USF2: variants seen among roughly 807,000 people sequenced by gnomAD.
The protein encoded by USF2 is upstream stimulatory factor 2.
USF2 carries 16 observed loss-of-function variants against 46.9 expected under a neutral mutation model. That is an observed-to-expected ratio of 0.34 (90% CI 0.23 to 0.52). USF2 has a LOEUF of 0.52. Ranked by LOEUF, USF2 falls within the 20% of genes least tolerant of loss-of-function variation. The pLI, the probability that USF2 is intolerant of heterozygous loss-of-function variation, is 0.96. For missense variants in USF2, 411 were observed against 474.0 expected, an observed-to-expected ratio of 0.87 and a Z score of 1.23; for synonymous variants, 239 against 194.1, an observed-to-expected ratio of 1.23 and a Z score of -1.92.
In USF2 at chr19:35,276,069, CTTTTTTT is replaced by C. The variant is rs752967792; in HGVS notation, c.728-2615_728-2609del. Among the ~76,000 whole-genome samples the C allele has an allele frequency of 5.4e-5, 6 of 112,028 alleles. No homozygotes were observed. The South Asian group carries it at 1.5e-3, about 27-fold the overall frequency. 73.5% of individuals were successfully genotyped at this position (112,028 alleles called of 152,430 possible). ...GGCAGGTTTCGCTTCTGAATTTTCT[CTTTTTTT>C]TTTTTTTTTTTTTGAGACAGAGTCT... On this transcript the variant is annotated intron_variant, in intron 7 of 9. Transcript: ENST00000222305.
At position 35,269,853 on chromosome 19, in the gene USF2, C is replaced by T. The variant is rs368165249; in HGVS notation, c.279C>T (p.Gly93=). 2 of 1,433,896 alleles carry T rather than the reference C, an allele frequency of 1.4e-6. No individual in the cohort carries two copies. Among genetic ancestry groups the T allele is most frequent in the Non-Finnish European group, 1.8e-6 (2 of 1,102,868 alleles). 88.8% of individuals were successfully genotyped at this position (1,433,896 alleles called of 1,614,324 possible). A position where few individuals can be genotyped will look rare whatever the true frequency, so the allele number is the denominator to read the frequency against. The change falls in exon 4 of 10, where the codon GGC becomes GGT. Residue 93 remains glycine (G), a synonymous_variant. Coordinates refer to ENST00000222305, the MANE Select transcript of USF2 (RefSeq NM_003367.4). The stretch of plus-strand genomic sequence containing the variant: ...CTGATGGTCAGCTGGACGGCCAGGG[C>T]GACACAGCTGGCGCCGTCAGCGTCG... ...QVTDGQLDGQ[G]DTAGAVSVVS...
At position 35,278,771 on chromosome 19, in the gene USF2, A is replaced by G; in HGVS notation, c.801A>G (p.Ala267=). 1 of 1,614,074 alleles carries G rather than the reference A, an allele frequency of 6.2e-7. No homozygotes were observed. Among genetic ancestry groups the G allele is most frequent in the Non-Finnish European group, 8.5e-7 (1 of 1,180,004 alleles). Reference sequence around the variant, plus strand: ...CGAAAATCATTCCAGACTGTAACGCAGACAACAGCAAGACGGGAGCGGTGA... The same window carrying G: ...CGAAAATCATTCCAGACTGTAACGCGGACAACAGCAAGACGGGAGCGGTGA... ...QLSKIIPDCN[A]DNSKTGASKG... Residue 267 remains alanine, a synonymous_variant, in exon 8 of 10, where the codon GCA becomes GCG. Coordinates refer to ENST00000222305, the MANE Select transcript of USF2 (RefSeq NM_003367.4).
chr19:35,270,212 A>T (rs929097665), intron 4 of USF2: 2 of 853,052 alleles, frequency 2.3e-6, no homozygotes, highest in African/African-American at 1.7e-5. Context: ...AATGGGAATG[A>T]TGTGTCTTAA....
intron 7 of USF2, among the ~76,000 whole-genome samples, chr19:35,273,727 T>G (rs546851267): frequency 5.9e-5 from 9 of 152,152 alleles, no homozygotes; most frequent in Admixed American, 1.3e-4. Context: ...GGGGTAATTT[T>G]TTTTTATCTG....
In USF2 at chr19:35,269,705, C is replaced by A. The variant is rs1568455629; in HGVS notation, c.228+6C>A. On this transcript the variant is annotated splice_donor_region_variant and intron_variant, in intron 3 of 9. Coordinates refer to ENST00000222305, the MANE Select transcript of USF2 (RefSeq NM_003367.4). ...CAGAGACAAATGGAGGACAGGTGAGCGGCGGGCCGCGAGGGCGAACGGGCG... is the reference window on the plus strand; with the variant it reads ...CAGAGACAAATGGAGGACAGGTGAGAGGCGGGCCGCGAGGGCGAACGGGCG... 2 of 537,012 alleles carry A rather than the reference C, an allele frequency of 3.7e-6. No individual in the cohort carries two copies. The highest frequency in any genetic ancestry group is 1.5e-4 in the East Asian group (1 of 6,854). 33.3% of individuals were successfully genotyped at this position (537,012 alleles called of 1,614,324 possible). A position where few individuals can be genotyped will look rare whatever the true frequency, so the allele number is the denominator to read the frequency against.
At chr19:35,269,369 G>A (rs2066105657) in intron 1 of USF2, 77 bp from the exon 2 acceptor site, 1 of 1,241,632 alleles carries the variant, frequency 8.1e-7, no homozygotes, top group Non-Finnish European at 1.0e-6. Flanking sequence ...GTGGGACTGG[G>A]GCCCTGCAGC....
chr19:35,274,822 G>T (rs2066209494), intron 7 of USF2, among the ~76,000 whole-genome samples: 1 of 152,176 alleles, frequency 6.6e-6, no homozygotes, highest in African/African-American at 2.4e-5. Flanking sequence ...AAGGTTGTGG[G>T]GGGCCCCCAG....
chr19:35,269,528 G>A (rs1158534499), intron 2 of USF2, 36 bp downstream of exon 2: 1 of 1,549,938 alleles, frequency 6.5e-7, no homozygotes, highest in African/African-American at 1.4e-5. Flanking sequence ...CCCGGGGAGG[G>A]CTGGGGGCGC....
At position 35,279,184 on chromosome 19, in the gene USF2, T is replaced by G. The variant is rs1441411270; in HGVS notation, c.969T>G (p.Asn323Lys). 1 of 1,607,136 alleles carries G rather than the reference T, an allele frequency of 6.2e-7. No individual in the cohort carries two copies. Among genetic ancestry groups the G allele is most frequent in the Non-Finnish European group, 8.5e-7 (1 of 1,176,944 alleles). The change falls in exon 10 of 10, where the codon AAT becomes AAG. Residue 323 changes from asparagine (N) to lysine (K), a missense_variant. Physicochemically the swap from Asn to Lys is moderately conservative, Grantham distance 94 (BLOSUM62 0). Transcript: ENST00000222305. ...LLRQQIEELKNENALLRAQLQ... is the reference protein window; with the variant it reads ...LLRQQIEELKKENALLRAQLQ... ...TCCGCCAGATCGAGGAGCTGAAGAA[T>G]GAGAACGCCCTGCTTCGAGCCCAGC...
At chr19:35,278,584 C>A in intron 7 of USF2, 114 bp from the exon 8 acceptor site, 1 of 1,057,628 alleles carries the variant, frequency 9.5e-7, no homozygotes, top group Non-Finnish European at 1.4e-6. Flanking sequence ...GCTGTGGTCT[C>A]GGTGGGGCCT....
In USF2 at chr19:35,270,415, C is replaced by T. The variant is rs750664788; in HGVS notation, c.430-32C>T. ...GGACGGGATGGAGGAACAGAGAAAG[C>T]TAAGGGTAGCCTCTGCCCTCCTACT... On this transcript the variant is annotated intron_variant, in intron 4 of 9. Transcript: ENST00000222305. The T allele has an allele frequency of 8.1e-6, 13 of 1,596,496 alleles. No individual in the cohort carries two copies. In the African/African-American group the frequency reaches 1.2e-4, roughly 15 times the overall value.
At chr19:35,278,633 T>A in intron 7 of USF2, 65 bp from the exon 8 acceptor site, 2 of 1,547,898 alleles carry the variant, frequency 1.3e-6, no homozygotes, top group Non-Finnish European at 1.8e-6. Flanking sequence ...GCCTCTGCCC[T>A]GTGAGGACGG....
At chr19:35,278,659 C>A in intron 7 of USF2, 39 bp from the exon 8 acceptor site, 2 of 1,604,750 alleles carry the variant, frequency 1.2e-6, no homozygotes, top group South Asian at 1.1e-5. Context: ...CAGGCATGAT[C>A]CGTCAGCGAA....
At chr19:35,277,308 C>G (rs1374595542) in intron 7 of USF2, 1 of 153,164 alleles carries the variant, frequency 6.5e-6, no homozygotes, top group African/African-American at 2.4e-5. Context: ...AGAGGGAGCA[C>G]AAGGATGGAA....
rs74384732 is a variant in USF2, at chr19:35,271,381, T to G, written c.727+240T>G. Among the ~76,000 whole-genome samples the G allele has an allele frequency of 6.1e-3, 930 of 152,306 alleles. 13 individuals carry two copies. The highest frequency in any genetic ancestry group is 0.021 in the African/African-American group (864 of 41,560). On this transcript the variant is annotated intron_variant, in intron 7 of 9. Coordinates refer to ENST00000222305, the MANE Select transcript of USF2 (RefSeq NM_003367.4). ...CATTTGTTGACCCGGCTGGTGATCT[T>G]GAATTCATGGCCCACATCTAAGATG...
chr19:35,276,037 C>T (rs1456173752), intron 7 of USF2: 1 of 149,340 alleles, frequency 6.7e-6, no homozygotes, highest in Non-Finnish European at 1.5e-5. Flanking sequence ...TTTCTTCCTT[C>T]AGTCCTGGCA....
intron 6 of USF2, 97 bp downstream of exon 6, chr19:35,270,902 G>A: frequency 2.0e-6 from 3 of 1,501,056 alleles, no homozygotes; most frequent in Non-Finnish European, 2.8e-6. Context: ...GTGGGCACAT[G>A]GTGTAATGTT....
At chr19:35,273,574 TG>T (rs916471868) in intron 7 of USF2, among the ~76,000 whole-genome samples, 1 of 152,172 alleles carries the variant, frequency 6.6e-6, no homozygotes, top group African/African-American at 2.4e-5. Flanking sequence ...TCTTTTTTTT[TG>T]AGAAGGGGGT....
rs2066273519 is a variant in USF2, at chr19:35,279,009, C to T, written c.886C>T (p.Arg296Cys). The change falls in exon 9 of 10, where the codon CGC (arginine) becomes TGC (cysteine). Residue 296 changes from arginine to cysteine, a missense_variant. Transcript: ENST00000222305. Reference protein sequence around the residue: ...YIRELRQTNQRMQETFKEAER... With the variant: ...YIRELRQTNQCMQETFKEAER... ...CCGGGAGTTGCGCCAGACCAACCAG[C>T]GCATGCAGGAGACCTTCAAAGAGGC... 3.2e-6 allele frequency: 5 copies of T among 1,576,036 alleles called. No individual in the cohort carries two copies. Among genetic ancestry groups the T allele is most frequent in the Non-Finnish European group, 4.3e-6 (5 of 1,160,150 alleles).
Sources: gnomAD v4.1 joint callset for allele counts (sites outside exome capture counted in the v4.1 genomes callset) on GRCh38, gnomAD v4.1.1 for gene constraint, MANE v1.5 for transcripts, NCBI Gene and HGNC (gene_info 2026-07-23, HGNC 2026-07-21) for gene names.